FNIP2: variants seen among roughly 807,000 people sequenced by gnomAD.
FNIP2 encodes the protein folliculin-interacting protein 2.
In FNIP2, 32 loss-of-function variants were observed where a neutral mutation model predicts 108.7. The observed-to-expected ratio is 0.29, with a 90% CI of 0.22 to 0.40. FNIP2 has a LOEUF of 0.40. Among genes scored for constraint, FNIP2 ranks in the 10% least tolerant of loss-of-function variants. FNIP2 has a pLI of 1.00. For missense variants in FNIP2, 1,202 were observed against 1,381.6 expected, an observed-to-expected ratio of 0.87 and a Z score of 2.06; for synonymous variants, 480 against 496.7, an observed-to-expected ratio of 0.97 and a Z score of 0.45.
At chr4:158,785,104 T>TTTTTTTTTTTTTTG (rs1776180899) in intron 1 of FNIP2, among the ~76,000 whole-genome samples, 1 of 150,370 alleles carries the variant, frequency 6.7e-6, no homozygotes, top group African/African-American at 2.5e-5. Flanking sequence ...TTTTTTTTTT[T>TTTTTTTTTTTTTTG]GAGCCAGAGT....
intron 1 of FNIP2, among the ~76,000 whole-genome samples, chr4:158,770,477 T>A (rs1455124357): frequency 2.0e-5 from 3 of 152,168 alleles, no homozygotes; most frequent in African/African-American, 7.2e-5. Context: ...GGATTAAGTT[T>A]TATGTTCTAG....
At chr4:158,804,230 C>A (rs568780233) in intron 1 of FNIP2, among the ~76,000 whole-genome samples, 36 of 152,238 alleles carry the variant, frequency 2.4e-4, no homozygotes. Flanking sequence ...GTGGGAGCCA[C>A]CGCACCTGGC....
At chr4:158,825,862 A>C (rs1778125735) in intron 1 of FNIP2, 54 bp from the exon 2 acceptor site, 1 of 1,576,534 alleles carries the variant, frequency 6.3e-7, no homozygotes, top group Non-Finnish European at 8.7e-7. Context: ...TCTGTCTGTG[A>C]TCATCTCATG....
intron 7 of FNIP2, among the ~76,000 whole-genome samples, chr4:158,841,242 G>A (rs1468120766): frequency 6.6e-6 from 1 of 152,182 alleles, no homozygotes; most frequent in Non-Finnish European, 1.5e-5. Flanking sequence ...TTTTATGATG[G>A]TTGCGAGATA....
chr4:158,889,169 G>T (rs918652627), intron 14 of FNIP2, among the ~76,000 whole-genome samples: 1 of 152,156 alleles, frequency 6.6e-6, no homozygotes, highest in African/African-American at 2.4e-5. Flanking sequence ...TCCAGCCTGG[G>T]CAAAAGCAAG....
intron 3 of FNIP2, among the ~76,000 whole-genome samples, chr4:158,831,631 A>G (rs1005160216): frequency 6.6e-6 from 1 of 152,208 alleles, no homozygotes; most frequent in Non-Finnish European, 1.5e-5. Flanking sequence ...AAACACTTGG[A>G]TCCTAGGTGA....
At chr4:158,849,520 A>G (rs1394229015) in intron 7 of FNIP2, among the ~76,000 whole-genome samples, 5 of 152,168 alleles carry the variant, frequency 3.3e-5, no homozygotes, top group Admixed American at 3.3e-4. Flanking sequence ...GCATAAGGGA[A>G]GGAGAGAGGC....
chr4:158,811,862 G>A (rs1777292183), intron 1 of FNIP2, among the ~76,000 whole-genome samples: 2 of 152,212 alleles, frequency 1.3e-5, no homozygotes, highest in African/African-American at 4.8e-5. Context: ...TAGCTCAGTG[G>A]TAATCTTTTC....
intron 7 of FNIP2, among the ~76,000 whole-genome samples, chr4:158,837,915 T>C (rs921028837): frequency 1.3e-5 from 2 of 152,228 alleles, no homozygotes; most frequent in Non-Finnish European, 2.9e-5. Flanking sequence ...CTCTCCCTGC[T>C]ATCCTGGTAG....
rs34945786 is a variant in FNIP2 at position 158,829,713 on chromosome 4, T to G, written c.381+488T>G. Among the ~76,000 whole-genome samples, 1,120 of 129,252 alleles carry G rather than the reference T, an allele frequency of 8.7e-3. 6 individuals carry two copies. Among genetic ancestry groups the G allele is most frequent in the Middle Eastern group, 0.054 (14 of 258 alleles). The allele number at this position is 129,252 out of a possible 152,430, so 84.8% of individuals were successfully genotyped here. A position where few individuals can be genotyped will look rare whatever the true frequency, so the allele number is the denominator to read the frequency against. On this transcript the variant is annotated intron_variant, in intron 3 of 16. Transcript: ENST00000264433. ...CATTTTTTACACTGTGTGTGTGGGGTGTGTGTGTGTGTGTGTGTGTGTGTA... is the reference window on the plus strand; with the variant it reads ...CATTTTTTACACTGTGTGTGTGGGGGGTGTGTGTGTGTGTGTGTGTGTGTA...
rs1174375291 is a variant in FNIP2 at position 158,859,332 on chromosome 4, G to T, written c.1059+74G>T. On this transcript the variant is annotated intron_variant, in intron 9 of 16. Transcript: ENST00000264433. ...TTGAAGATGGCAGAATTTCTTTGCC[G>T]ATGTATCAGATGTCTTTCCTAAGGA... The T allele has an allele frequency of 2.1e-6, 3 of 1,426,234 alleles. No homozygotes were observed. In the African/African-American group the frequency reaches 4.3e-5, roughly 20 times the overall value. 88.3% of individuals were successfully genotyped at this position (1,426,234 alleles called of 1,614,324 possible). A position where few individuals can be genotyped will look rare whatever the true frequency, so the allele number is the denominator to read the frequency against.
intron 1 of FNIP2, among the ~76,000 whole-genome samples, chr4:158,812,947 T>C (rs1777361118): frequency 6.6e-6 from 1 of 151,866 alleles, no homozygotes; most frequent in South Asian, 2.1e-4. Flanking sequence ...GTCTCCATAG[T>C]TTTGCCTTTT....
chr4:158,903,526 C>T lies in FNIP2; in HGVS notation c.3267-940C>T, dbSNP rs960617455. 2.0e-5 allele frequency among the ~76,000 whole-genome samples: 3 copies of T among 152,214 alleles called. No individual in the cohort carries two copies. In the East Asian group the frequency reaches 5.8e-4, roughly 29 times the overall value. On this transcript the variant is annotated intron_variant, in intron 16 of 16. Transcript: ENST00000264433. ...ACAGGTGTGCATCAACACGTGTAAT[C>T]ATAAGCTTTTATTCCCCTTTGCACT...
At chr4:158,871,760 A>G (rs1780962194) in intron 14 of FNIP2, 1 of 984,080 alleles carries the variant, frequency 1.0e-6, no homozygotes, top group Non-Finnish European at 1.2e-6. Flanking sequence ...ATTATTTAAT[A>G]TCATAATTTC....
chr4:158,770,586 G>A (rs574785050), intron 1 of FNIP2, among the ~76,000 whole-genome samples: 1 of 152,176 alleles, frequency 6.6e-6, no homozygotes, highest in East Asian at 1.9e-4. Flanking sequence ...CTCATGGAAG[G>A]CATATTGTGA....
At chr4:158,894,798 C>T (rs1463212851) in intron 15 of FNIP2, among the ~76,000 whole-genome samples, 3 of 152,102 alleles carry the variant, frequency 2.0e-5, no homozygotes, top group Non-Finnish European at 4.4e-5. Flanking sequence ...GTGTTTCATC[C>T]ACCTGACACA....
At chr4:158,898,819 G>A (rs200324402) in intron 16 of FNIP2, among the ~76,000 whole-genome samples, 2 of 152,052 alleles carry the variant, frequency 1.3e-5, no homozygotes, top group South Asian at 4.1e-4. Context: ...ATTTGAATAC[G>A]CTTTATTTCT....
At chr4:158,871,657 A>C (rs1780955643) in intron 14 of FNIP2, 1 of 985,398 alleles carries the variant, frequency 1.0e-6, no homozygotes, top group Non-Finnish European at 1.2e-6. Context: ...AAACGTTCCT[A>C]ACCCCACCCC....
intron 1 of FNIP2, among the ~76,000 whole-genome samples, chr4:158,790,306 A>T (rs1776370392): frequency 6.6e-6 from 1 of 151,602 alleles, no homozygotes; most frequent in African/African-American, 2.4e-5. Context: ...TCCTATACTA[A>T]ACTATAGGAT....
Sources: gnomAD v4.1 joint callset for allele counts (sites outside exome capture counted in the v4.1 genomes callset) on GRCh38, gnomAD v4.1.1 for gene constraint, MANE v1.5 for transcripts, NCBI Gene and HGNC (gene_info 2026-07-23, HGNC 2026-07-21) for gene names.